The following SNAP91 variants were observed in gnomAD, a reference collection of about 807,000 sequenced individuals.
SNAP91 encodes the protein synaptosome associated protein 91.
A neutral mutation model predicts 100.3 loss-of-function variants in SNAP91; 27 were observed. That is an observed-to-expected ratio of 0.27 (90% confidence interval 0.20 to 0.37). The LOEUF (loss-of-function observed/expected upper bound fraction) is 0.37, where lower values mean the gene tolerates loss of function less well. Among genes scored for constraint, SNAP91 ranks in the 10% least tolerant of loss-of-function variants. The pLI is 1.00. For missense variants in SNAP91, 986 were observed against 1,123.7 expected (o/e 0.88, Z 1.75); for synonymous variants, 404 against 398.6 (o/e 1.01, Z -0.16).
intron 2 of SNAP91, among the ~76,000 whole-genome samples, chr6:83,707,295 C>G (rs564149011): frequency 1.3e-5 from 2 of 152,006 alleles, no homozygotes; most frequent in African/African-American, 4.8e-5. Flanking sequence ...CTCACAAAAA[C>G]AATCCTCAGG....
rs887547543 is a variant in SNAP91, at chr6:83,554,146, C to T, written c.*150G>A. 26 of 175,046 alleles carry T rather than the reference C, an allele frequency of 1.5e-4. No homozygotes were observed. The highest frequency in any genetic ancestry group is 5.3e-4 in the African/African-American group (22 of 41,692). The allele number at this position is 175,046 out of a possible 1,614,324, so 10.8% of individuals were successfully genotyped here. A position where few individuals can be genotyped will look rare whatever the true frequency, so the allele number is the denominator to read the frequency against. ...TACATATTCCTAATGTTCACTTTCA[C>T]GGCTGTGTTACACATTTTGGAAGAG... On this transcript the variant is annotated 3_prime_UTR_variant, in exon 30 of 30. Transcript: ENST00000369694.
In SNAP91 at chr6:83,553,150, T is replaced by C. The variant is rs1033372734; in HGVS notation, c.*1146A>G. The C allele has an allele frequency of 6.6e-6, 1 of 152,602 alleles. No homozygotes were observed. The highest frequency in any genetic ancestry group is 1.5e-5 in the Non-Finnish European group (1 of 68,042). The allele number at this position is 152,602 out of a possible 1,614,324, so 9.5% of individuals were successfully genotyped here. A position where few individuals can be genotyped will look rare whatever the true frequency, so the allele number is the denominator to read the frequency against. ...GCTGCCAAGCTACTAGCAACACTGA[T>C]CAACAGTGACCTCATTTATGCATCA... is the stretch of plus-strand genomic sequence containing the variant. On this transcript the variant is annotated 3_prime_UTR_variant, in exon 30 of 30. Coordinates refer to ENST00000369694, the MANE Select transcript of SNAP91 (RefSeq NM_001242792.2).
intron 2 of SNAP91, among the ~76,000 whole-genome samples, chr6:83,667,379 TCTAA>T (rs1236953467): frequency 2.0e-5 from 3 of 151,994 alleles, no homozygotes; most frequent in East Asian, 1.9e-4. Context: ...CTTCACACAC[TCTAA>T]CTAAAATAAT....
At chr6:83,698,190 G>A (rs2099245949) in intron 2 of SNAP91, among the ~76,000 whole-genome samples, 1 of 151,898 alleles carries the variant, frequency 6.6e-6, no homozygotes, top group African/African-American at 2.4e-5. Context: ...CAAAGAATAG[G>A]AAAATAGGCT....
chr6:83,702,700 T>C (rs1188924634), intron 2 of SNAP91, among the ~76,000 whole-genome samples: 4 of 149,142 alleles, frequency 2.7e-5, no homozygotes, highest in African/African-American at 7.5e-5. Flanking sequence ...CCACACCAAC[T>C]GCAAAAACTG....
chr6:83,632,193 T>C (rs6906523), intron 8 of SNAP91, among the ~76,000 whole-genome samples: 1,550 of 152,246 alleles, frequency 0.01, 21 homozygotes, highest in African/African-American at 0.035. Flanking sequence ...CCTTCTAGCT[T>C]GTAGGGTTTC....
intron 2 of SNAP91, among the ~76,000 whole-genome samples, chr6:83,684,175 TA>T (rs2099029228): frequency 6.6e-6 from 1 of 152,196 alleles, no homozygotes; most frequent in Non-Finnish European, 1.5e-5. Context: ...TCATTATATG[TA>T]AGAAGTTAAC....
chr6:83,612,996 G>A lies in SNAP91; in HGVS notation c.884+1861C>T, dbSNP rs142226779. Reference sequence around the variant, plus strand: ...TATAACATCTTCTACCCCACAGCAAGAATGAAGATATAATAAAAATGATAG... The same window carrying A: ...TATAACATCTTCTACCCCACAGCAAAAATGAAGATATAATAAAAATGATAG... On this transcript the variant is annotated intron_variant, in intron 11 of 29. Coordinates refer to ENST00000369694, the MANE Select transcript of SNAP91 (RefSeq NM_001242792.2). Among the ~76,000 whole-genome samples the A allele has an allele frequency of 8.5e-3, 1,271 of 150,388 alleles. 15 individuals carry two copies. The highest frequency in any genetic ancestry group is 0.029 in the African/African-American group (1,178 of 40,844).
intron 11 of SNAP91, among the ~76,000 whole-genome samples, chr6:83,613,795 C>A (rs1057240531): frequency 6.6e-6 from 1 of 152,108 alleles, no homozygotes. Flanking sequence ...TTAGTCATTG[C>A]CCTTTAGGAA....
At chr6:83,583,240 C>T (rs886171281) in intron 22 of SNAP91, among the ~76,000 whole-genome samples, 2 of 152,150 alleles carry the variant, frequency 1.3e-5, no homozygotes, top group Admixed American at 1.3e-4. Context: ...GCACCTGGTA[C>T]ATGGCCCCCT....
At chr6:83,677,681 A>G (rs1407143954) in intron 2 of SNAP91, among the ~76,000 whole-genome samples, 4 of 152,208 alleles carry the variant, frequency 2.6e-5, no homozygotes, top group Non-Finnish European at 5.9e-5. Flanking sequence ...CTTATCCTAC[A>G]GTTTTCTGTG....
At chr6:83,659,428 T>C (rs927987484) in intron 5 of SNAP91, among the ~76,000 whole-genome samples, 319 of 147,412 alleles carry the variant, frequency 2.2e-3, no homozygotes, top group Non-Finnish European at 3.8e-3. Flanking sequence ...TTTTCTTCTT[T>C]TTTTTTTTTT....
chr6:83,591,149 T>C lies in SNAP91; in HGVS notation c.2014+62A>G, dbSNP rs994967435. 5 of 1,071,558 alleles carry C rather than the reference T, an allele frequency of 4.7e-6. No homozygotes were observed. In the African/African-American group the frequency reaches 6.4e-5, roughly 14 times the overall value. 66.4% of individuals were successfully genotyped at this position (1,071,558 alleles called of 1,614,324 possible). On this transcript the variant is annotated intron_variant, in intron 22 of 29. Transcript: ENST00000369694. ...CCTGCAATTTATGTAATTTTTATAA[T>C]TGTTACTTATAAAAATATATCCAAA...
At chr6:83,664,832 T>C (rs2098645761) in intron 3 of SNAP91, among the ~76,000 whole-genome samples, 1 of 152,088 alleles carries the variant, frequency 6.6e-6, no homozygotes, top group Non-Finnish European at 1.5e-5. Flanking sequence ...AAATCTTTTG[T>C]AAAAGGAAGA....
intron 26 of SNAP91, among the ~76,000 whole-genome samples, chr6:83,567,334 A>C (rs1165521765): frequency 6.6e-6 from 1 of 152,208 alleles, no homozygotes; most frequent in African/African-American, 2.4e-5. Flanking sequence ...TGTTCGATAA[A>C]AACTTAACAG....
At chr6:83,598,442 T>A (rs1156713536) in intron 16 of SNAP91, among the ~76,000 whole-genome samples, 3 of 152,196 alleles carry the variant, frequency 2.0e-5, no homozygotes, top group Non-Finnish European at 4.4e-5. Flanking sequence ...AATTTACTAT[T>A]TTTAAAATGT....
intron 7 of SNAP91, among the ~76,000 whole-genome samples, chr6:83,646,286 A>T (rs896502836): frequency 4.6e-5 from 7 of 152,212 alleles, no homozygotes; most frequent in Admixed American, 3.9e-4. Flanking sequence ...TTGTATCTAA[A>T]AAGTCACCAT....
At chr6:83,690,276 C>A in intron 2 of SNAP91, 1 of 1,175,484 alleles carries the variant, frequency 8.5e-7, no homozygotes, top group Non-Finnish European at 1.1e-6. Flanking sequence ...ATACTGTGAT[C>A]CAAAACAAAT....
intron 11 of SNAP91, 22 bp downstream of exon 11, chr6:83,614,835 A>C: frequency 5.1e-6 from 8 of 1,559,766 alleles, no homozygotes; most frequent in Non-Finnish European, 6.9e-6. Context: ...AATGCAAAAA[A>C]CTCACTCCAT....
Sources: allele counts gnomAD v4.1 joint callset (sites outside exome capture counted in the v4.1 genomes callset), GRCh38; gene constraint gnomAD v4.1.1; transcripts MANE v1.5; gene names NCBI Gene and HGNC (gene_info 2026-07-23, HGNC 2026-07-21).